TBC1D19: variants seen among roughly 807,000 people sequenced by gnomAD.
TBC1D19 encodes the protein TBC1 domain family member 19.
Under a neutral mutation model 89.0 loss-of-function variants are expected in TBC1D19, and 60 were observed. The ratio of observed to expected loss-of-function variants is 0.67; its 90% CI spans 0.55 to 0.84. The LOEUF is 0.84. TBC1D19 is among the 40% of genes least tolerant of loss of function. The pLI, the probability that TBC1D19 is intolerant of heterozygous loss-of-function variation, is 0.00. For missense variants in TBC1D19, 500 were observed against 610.8 expected (o/e 0.82, Z 1.91); for synonymous variants, 189 against 199.7 (o/e 0.95, Z 0.45).
chr4:26,857,518 T>A, the TBC1D19 span, among the ~76,000 whole-genome samples: 1 of 152,198 alleles, frequency 6.6e-6, no homozygotes, highest in Non-Finnish European at 1.5e-5. Context: ...CCCTCCCCAC[T>A]GACAGCCCGC....
At chr4:26,642,818 T>G (rs1250998702) in intron 7 of TBC1D19, among the ~76,000 whole-genome samples, 2 of 117,274 alleles carry the variant, frequency 1.7e-5, no homozygotes, top group African/African-American at 2.6e-5. Context: ...CAAACAAAGA[T>G]CAAAAGAGAC....
At chr4:26,652,996 T>C (rs1744509829) in intron 7 of TBC1D19, among the ~76,000 whole-genome samples, 1 of 152,250 alleles carries the variant, frequency 6.6e-6, no homozygotes, top group Admixed American at 6.5e-5. Flanking sequence ...CTTTCTCTTG[T>C]GGGCATTTAG....
intron 13 of TBC1D19, among the ~76,000 whole-genome samples, chr4:26,705,878 T>TTTTTG (rs529196083): frequency 7.6e-4 from 116 of 152,032 alleles, no homozygotes; most frequent in Non-Finnish European, 1.4e-3. Context: ...TGTGGGAAAG[T>TTTTTG]TTTTGTTTTG....
chr4:26,777,742 C>G, the TBC1D19 span, among the ~76,000 whole-genome samples: 4 of 152,076 alleles, frequency 2.6e-5, no homozygotes. Context: ...AACCAATGCT[C>G]TTGGCCTCTT....
intron 8 of TBC1D19, among the ~76,000 whole-genome samples, chr4:26,662,341 C>A (rs1745270110): frequency 6.6e-6 from 1 of 151,158 alleles, no homozygotes. Context: ...TATAGTATGC[C>A]AAAAAATACA....
intron 15 of TBC1D19, 86 bp from the exon 16 acceptor site, chr4:26,735,369 T>C: frequency 1.7e-6 from 2 of 1,150,280 alleles, no homozygotes; most frequent in Non-Finnish European, 2.4e-6. Flanking sequence ...AGAAAACCTT[T>C]TTATTGTCAG....
At chr4:26,823,802 A>G in the TBC1D19 span, among the ~76,000 whole-genome samples, 1 of 152,194 alleles carries the variant, frequency 6.6e-6, no homozygotes, top group Non-Finnish European at 1.5e-5. Context: ...TTCTAGCCAG[A>G]CCTTAGGCAG....
the TBC1D19 span, among the ~76,000 whole-genome samples, chr4:26,828,357 C>G: frequency 9.8e-5 from 15 of 152,326 alleles, no homozygotes; most frequent in East Asian, 2.9e-3. Flanking sequence ...TGCTAGAACT[C>G]CGTTACTGGA....
chr4:26,691,814 C>T (rs1714313481), intron 13 of TBC1D19, among the ~76,000 whole-genome samples: 1 of 152,126 alleles, frequency 6.6e-6, no homozygotes, highest in South Asian at 2.1e-4. Context: ...ATTAATTCTT[C>T]ATTTATACAA....
chr4:26,673,252 T>C (rs991081867), intron 10 of TBC1D19, among the ~76,000 whole-genome samples: 1 of 151,650 alleles, frequency 6.6e-6, no homozygotes, highest in Non-Finnish European at 1.5e-5. Flanking sequence ...TAAGAAGTCA[T>C]TTAATAGAAT....
At chr4:26,682,673 A>G (rs569405018) in intron 11 of TBC1D19, among the ~76,000 whole-genome samples, 7 of 152,308 alleles carry the variant, frequency 4.6e-5, no homozygotes, top group Middle Eastern at 3.4e-3. Flanking sequence ...CATGTCAGCT[A>G]AAGCAACGAG....
the TBC1D19 span, among the ~76,000 whole-genome samples, chr4:26,817,679 T>C: frequency 6.6e-6 from 1 of 152,022 alleles, no homozygotes; most frequent in Non-Finnish European, 1.5e-5. Flanking sequence ...TAAAATATGG[T>C]ATTCTAGGCT....
the TBC1D19 span, among the ~76,000 whole-genome samples, chr4:26,823,958 T>C: frequency 6.6e-6 from 1 of 152,236 alleles, no homozygotes. Context: ...GCCTGACCGC[T>C]GGCTCCAGTG....
chr4:26,735,527 A>T, intron 16 of TBC1D19, 40 bp downstream of exon 16: 1 of 1,485,054 alleles, frequency 6.7e-7, no homozygotes, highest in Non-Finnish European at 9.1e-7. Context: ...TACACAAAAC[A>T]TACAATGTTA....
At chr4:26,691,795 A>G (rs930186245) in intron 13 of TBC1D19, among the ~76,000 whole-genome samples, 24 of 152,212 alleles carry the variant, frequency 1.6e-4, no homozygotes, top group Non-Finnish European at 2.1e-4. Context: ...GTATGCCTAT[A>G]TAAATAAAAT....
chr4:26,737,980 T>G (rs1317212378), intron 16 of TBC1D19, among the ~76,000 whole-genome samples: 1 of 152,012 alleles, frequency 6.6e-6, no homozygotes, highest in Non-Finnish European at 1.5e-5. Context: ...TATAGTATAT[T>G]ATGGTGTCAT....
chr4:26,584,153 G>GGCGGCCTGTCCCC lies in TBC1D19; in HGVS notation c.-35_-23dup. 1 of 1,591,436 alleles carries GGCGGCCTGTCCCC rather than the reference G, an allele frequency of 6.3e-7. No homozygotes were observed. Among genetic ancestry groups the GGCGGCCTGTCCCC allele is most frequent in the Non-Finnish European group, 8.6e-7 (1 of 1,168,614 alleles). ...CCCGGTAGCCCGTTCGCTCCGCGCC[G>GGCGGCCTGTCCCC]GCGGCCTGTCCCCGCGGCTTGGCGG... On this transcript the variant is annotated 5_prime_UTR_variant, in exon 1 of 21. Transcript: ENST00000264866.
chr4:26,706,261 C>G (rs1235800021), intron 13 of TBC1D19, among the ~76,000 whole-genome samples: 1 of 152,080 alleles, frequency 6.6e-6, no homozygotes, highest in Admixed American at 6.6e-5. Flanking sequence ...TCTTGGTTGA[C>G]TTTGTGTTTC....
chr4:26,614,804 A>G (rs137918925), intron 3 of TBC1D19, among the ~76,000 whole-genome samples: 2 of 152,096 alleles, frequency 1.3e-5, no homozygotes, highest in African/African-American at 4.8e-5. Flanking sequence ...CAGGCTCCCA[A>G]GTTGCTGGGA....
Sources: gnomAD v4.1 joint callset for allele counts (sites outside exome capture counted in the v4.1 genomes callset) on GRCh38, gnomAD v4.1.1 for gene constraint, MANE v1.5 for transcripts, NCBI Gene and HGNC (gene_info 2026-07-23, HGNC 2026-07-21) for gene names.